The following CACNA2D3 variants were observed in gnomAD, a reference collection of about 807,000 sequenced individuals.
CACNA2D3 encodes calcium voltage-gated channel auxiliary subunit alpha2delta 3.
Under a neutral mutation model 160.6 loss-of-function variants are expected in CACNA2D3, and 60 were observed. That is an observed-to-expected ratio of 0.37 (90% CI 0.30 to 0.46). The LOEUF (loss-of-function observed/expected upper bound fraction) is 0.46. Among genes scored for constraint, CACNA2D3 ranks in the 20% least tolerant of loss-of-function variants. CACNA2D3 has a pLI of 1.00. For synonymous variants in CACNA2D3, 558 were observed against 492.9 expected, an observed-to-expected ratio of 1.13 and a Z score of -1.75; for missense variants, 1,205 against 1,365.0, an observed-to-expected ratio of 0.88 and a Z score of 1.85.
chr3:55,044,600 CT>C (rs113048712), intron 35 of CACNA2D3, among the ~76,000 whole-genome samples: 11 of 151,080 alleles, frequency 7.3e-5, no homozygotes, highest in African/African-American at 2.4e-4. Context: ...TTTATTTCTT[CT>C]TTTTTTTTCT....
chr3:54,312,503 G>C (rs898846562), intron 2 of CACNA2D3, among the ~76,000 whole-genome samples: 9 of 152,100 alleles, frequency 5.9e-5, no homozygotes, highest in Admixed American at 4.6e-4. Flanking sequence ...GGCTGTTCTA[G>C]GCGACTCACT....
At chr3:54,284,304 A>T (rs944493213) in intron 2 of CACNA2D3, among the ~76,000 whole-genome samples, 3 of 151,402 alleles carry the variant, frequency 2.0e-5, no homozygotes, top group Admixed American at 6.6e-5. Context: ...AAAAATTAAA[A>T]AAATTAAATA....
chr3:54,157,613 A>C (rs1407853049), intron 2 of CACNA2D3, among the ~76,000 whole-genome samples: 1 of 152,106 alleles, frequency 6.6e-6, no homozygotes, highest in Non-Finnish European at 1.5e-5. Context: ...AACATGGAGA[A>C]TCCCTGTCTC....
At chr3:54,581,665 A>G (rs955987357) in intron 8 of CACNA2D3, 138 bp from the exon 9 acceptor site, 2 of 689,788 alleles carry the variant, frequency 2.9e-6, no homozygotes, top group Non-Finnish European at 5.2e-6. Flanking sequence ...GACACCCATG[A>G]GAGAGTTCAC....
At chr3:54,776,323 C>A (rs1264210424) in intron 13 of CACNA2D3, among the ~76,000 whole-genome samples, 1 of 152,064 alleles carries the variant, frequency 6.6e-6, no homozygotes, top group Non-Finnish European at 1.5e-5. Context: ...AGATGGGCAA[C>A]ATAGTGAGAC....
intron 8 of CACNA2D3, among the ~76,000 whole-genome samples, chr3:54,573,448 A>AACAT (rs1329607477): frequency 1.3e-5 from 2 of 152,244 alleles, no homozygotes; most frequent in African/African-American, 4.8e-5. Flanking sequence ...GTTTCTGTGT[A>AACAT]TATGAGCACA....
intron 8 of CACNA2D3, among the ~76,000 whole-genome samples, chr3:54,570,505 T>TTGA (rs1393888337): frequency 6.6e-6 from 1 of 151,326 alleles, no homozygotes; most frequent in East Asian, 2.1e-4. Flanking sequence ...ATGATAATAA[T>TTGA]TGATAATAAT....
chr3:54,264,485 C>T (rs1429615014), intron 2 of CACNA2D3, among the ~76,000 whole-genome samples: 1 of 152,164 alleles, frequency 6.6e-6, no homozygotes, highest in African/African-American at 2.4e-5. Flanking sequence ...CTCATCTTTT[C>T]TTCTTATTTG....
chr3:54,503,361 C>T, intron 4 of CACNA2D3, 131 bp from the exon 5 acceptor site: 1 of 732,200 alleles, frequency 1.4e-6, no homozygotes, highest in South Asian at 1.7e-5. Context: ...GTACATAAGA[C>T]ATAAAAAGAT....
intron 2 of CACNA2D3, among the ~76,000 whole-genome samples, chr3:54,212,873 G>C (rs918882308): frequency 3.3e-5 from 5 of 152,132 alleles, no homozygotes; most frequent in African/African-American, 4.8e-5. Flanking sequence ...TGGGGATACT[G>C]ACAAGACCTG....
intron 4 of CACNA2D3, among the ~76,000 whole-genome samples, chr3:54,464,519 G>C (rs1266239085): frequency 6.6e-6 from 1 of 152,214 alleles, no homozygotes; most frequent in African/African-American, 2.4e-5. Context: ...CTTGCAGTTT[G>C]ATCTCAGAGT....
In CACNA2D3 at chr3:54,763,893, A is replaced by G. The variant is rs1392439861; in HGVS notation, c.1247-325A>G. Among the ~76,000 whole-genome samples the G allele has an allele frequency of 8.3e-4, 3 of 3,604 alleles. 1 individual carries two copies. The East Asian group carries it at 0.03, about 36-fold the overall frequency. 2.4% of individuals were successfully genotyped at this position (3,604 alleles called of 152,430 possible). On this transcript the variant is annotated intron_variant, in intron 12 of 37. Coordinates refer to ENST00000474759, the MANE Select transcript of CACNA2D3 (RefSeq NM_018398.3). ...TACGTATATATATGTATATATATGT[A>G]TGTGGGGGGGGGGGGTGCATATAAA...
chr3:54,329,636 T>C (rs185975923), intron 3 of CACNA2D3, among the ~76,000 whole-genome samples: 1 of 152,298 alleles, frequency 6.6e-6, no homozygotes, highest in African/African-American at 2.4e-5. Context: ...TCTTAATTTA[T>C]ACTCAGGCCA....
intron 9 of CACNA2D3, among the ~76,000 whole-genome samples, chr3:54,625,962 T>C (rs1559530647): frequency 6.6e-6 from 1 of 151,924 alleles, no homozygotes; most frequent in African/African-American, 2.4e-5. Flanking sequence ...GCCTGGGGCG[T>C]TGTTGGGTGT....
intron 2 of CACNA2D3, among the ~76,000 whole-genome samples, chr3:54,135,994 G>T (rs956380776): frequency 6.6e-6 from 1 of 152,230 alleles, no homozygotes; most frequent in African/African-American, 2.4e-5. Context: ...GGGGGAGGCA[G>T]CCCTGAGCCC....
intron 3 of CACNA2D3, among the ~76,000 whole-genome samples, chr3:54,350,375 C>A (rs2107532246): frequency 6.6e-6 from 1 of 152,030 alleles, no homozygotes; most frequent in African/African-American, 2.4e-5. Flanking sequence ...GCATCTATTG[C>A]ATTTTAGGTT....
intron 34 of CACNA2D3, 101 bp from the exon 35 acceptor site, chr3:55,018,105 G>T (rs1282529994): frequency 4.3e-6 from 3 of 703,096 alleles, no homozygotes; most frequent in Non-Finnish European, 7.7e-6. Flanking sequence ...TCACAGAGCA[G>T]CAGAAGCGGA....
Position 54,752,582 on chromosome 3 carries a change from G to A in CACNA2D3, c.1168-17G>A, listed in dbSNP as rs1271127027. The A allele has an allele frequency of 6.8e-6, 11 of 1,606,112 alleles. No homozygotes were observed. Among genetic ancestry groups the A allele is most frequent in the African/African-American group, 5.3e-5 (4 of 74,794 alleles). On this transcript the variant is annotated splice_polypyrimidine_tract_variant and intron_variant, in intron 11 of 37. Coordinates refer to ENST00000474759, the MANE Select transcript of CACNA2D3 (RefSeq NM_018398.3). ...AAAAGTGAATGCCGCTCAGCCATGC[G>A]TTTGTCTTCCCTTCAGGTTCGCATC...
At chr3:54,338,471 G>C (rs1413229444) in intron 3 of CACNA2D3, among the ~76,000 whole-genome samples, 29 of 78,318 alleles carry the variant, frequency 3.7e-4, no homozygotes, top group African/African-American at 1.3e-3. Context: ...CCCTCCCTGT[G>C]TGTGTGTGTG....
Sources: gnomAD v4.1 joint callset for allele counts (sites outside exome capture counted in the v4.1 genomes callset) on GRCh38, gnomAD v4.1.1 for gene constraint, MANE v1.5 for transcripts, NCBI Gene and HGNC (gene_info 2026-07-23, HGNC 2026-07-21) for gene names.